The following MMS19 variants were observed in gnomAD, a reference collection of about 807,000 sequenced individuals.
MMS19 encodes the protein MMS19 cytosolic iron-sulfur assembly component.
In MMS19, 77 loss-of-function variants were observed where a neutral mutation model predicts 129.8. The observed-to-expected ratio is 0.59, with a 90% CI of 0.49 to 0.72. The LOEUF (loss-of-function observed/expected upper bound fraction) is 0.72. Among genes scored for constraint, MMS19 ranks in the 30% least tolerant of loss-of-function variants. MMS19 has a pLI of 0.00. For synonymous variants in MMS19, 491 were observed against 502.8 expected (o/e 0.98, Z 0.31); for missense variants, 1,168 against 1,266.3 (o/e 0.92, Z 1.18).
At chr10:97,461,352 G>T in intron 23 of MMS19, 144 bp downstream of exon 23, 1 of 988,528 alleles carries the variant, frequency 1.0e-6, no homozygotes, top group Non-Finnish European at 1.5e-6. Flanking sequence ...TTTTCCCACG[G>T]GCAGTCCCAG....
chr10:97,491,322 G>A (rs144137904), intron 1 of MMS19, among the ~76,000 whole-genome samples: 116 of 152,350 alleles, frequency 7.6e-4, no homozygotes, highest in African/African-American at 2.7e-3. Context: ...AAGACAAGAA[G>A]TGCCAAATAG....
chr10:97,477,495 T>C, intron 5 of MMS19, 79 bp from the exon 6 acceptor site: 1 of 1,587,742 alleles, frequency 6.3e-7, no homozygotes, highest in African/African-American at 1.3e-5. Context: ...TGCTTCATAA[T>C]CTCTAAGTGA....
Position 97,476,694 on chromosome 10 carries a change from C to T in MMS19, c.673G>A (p.Asp225Asn), listed in dbSNP as rs763296523. 7.4e-6 allele frequency: 12 copies of T among 1,613,646 alleles called. No homozygotes were observed. The highest frequency in any genetic ancestry group is 1.3e-5 in the African/African-American group (1 of 74,878). The change falls in exon 8 of 31, where the codon GAT becomes AAT. Residue 225 changes from aspartate to asparagine, a missense_variant. Physicochemically the swap from Asp to Asn is conservative, Grantham distance 23. Around this residue, in one of 3 missense-constraint regions of MMS19, gnomAD observed 329 missense variants for 328.6 expected, o/e 1.00. Transcript: ENST00000438925. ...AAGGTGCTACTTACAGGGGTAAAAT[C>T]GATAGGGAAATAACAGGATGTCACT... The part of the protein sequence containing the change: ...FEVTSCYFPI[D>N]FTPPPNDPHG...
intron 3 of MMS19, chr10:97,480,496 A>G: frequency 2.7e-6 from 1 of 364,768 alleles, no homozygotes; most frequent in East Asian, 7.4e-5. Context: ...ATTACTTTTC[A>G]TCTTTACCTA....
At chr10:97,460,574 A>G (rs2031513348) in intron 25 of MMS19, 121 bp downstream of exon 25, 1 of 896,458 alleles carries the variant, frequency 1.1e-6, no homozygotes, top group Non-Finnish European at 1.8e-6. Context: ...CCTGTCTCCA[A>G]AAAGAAAAAA....
chr10:97,487,467 C>T (rs2038117275), intron 1 of MMS19, among the ~76,000 whole-genome samples: 1 of 151,910 alleles, frequency 6.6e-6, no homozygotes, highest in African/African-American at 2.4e-5. Context: ...TACAGGCGCC[C>T]ACCACCACAC....
chr10:97,468,378 G>A lies in MMS19; in HGVS notation c.1092C>T (p.Asp364=). The change falls in exon 13 of 31, where the codon GAC becomes GAT. Residue 364 remains aspartate, a synonymous_variant. Transcript: ENST00000438925. ...QDCRHHLCEP[D]MKLVWPSAKL... Reference sequence around the variant, plus strand: ...TGGCACTAGGCCACACCAGTTTCATGTCCGGTTCACACAGGTGGTGCCTGC... The same window carrying A: ...TGGCACTAGGCCACACCAGTTTCATATCCGGTTCACACAGGTGGTGCCTGC... 6.2e-7 allele frequency: 1 copy of A among 1,611,546 alleles called. No individual in the cohort carries two copies. Among genetic ancestry groups the A allele is most frequent in the South Asian group, 1.1e-5 (1 of 90,778 alleles).
chr10:97,477,767 T>A (rs1366082060), intron 5 of MMS19, 88 bp downstream of exon 5: 3 of 899,056 alleles, frequency 3.3e-6, no homozygotes, highest in African/African-American at 3.4e-5. Context: ...AATTCAGAAC[T>A]TAGAAGGCAA....
At chr10:97,482,735 T>TACACACACACAC (rs1442208641) in intron 2 of MMS19, among the ~76,000 whole-genome samples, 4 of 137,802 alleles carry the variant, frequency 2.9e-5, no homozygotes, top group African/African-American at 1.1e-4. Context: ...TGTGTATATA[T>TACACACACACAC]ATACACACAC....
intron 22 of MMS19, 44 bp downstream of exon 22, chr10:97,461,784 T>C (rs1344833834): frequency 6.3e-7 from 1 of 1,581,258 alleles, no homozygotes; most frequent in Admixed American, 1.8e-5. Context: ...CGGAGTCACC[T>C]TGTCAAGGTT....
In MMS19 at chr10:97,468,888, C is replaced by T. The variant is rs913975108; in HGVS notation, c.1063+78G>A. 3.1e-5 allele frequency: 45 copies of T among 1,471,070 alleles called. No individual in the cohort carries two copies. In the Middle Eastern group the frequency reaches 9.1e-4, roughly 30 times the overall value. The allele number at this position is 1,471,070 out of a possible 1,614,324, so 91.1% of individuals were successfully genotyped here. On this transcript the variant is annotated intron_variant, in intron 12 of 30. Transcript: ENST00000438925. ...CCTCCTAAAGTGCAGGGATTACAGG[C>T]GTGAGCCACCGCACCCAGGCAAGGA...
chr10:97,482,442 T>C (rs2036966196), intron 2 of MMS19, among the ~76,000 whole-genome samples: 1 of 152,048 alleles, frequency 6.6e-6, no homozygotes, highest in Admixed American at 6.6e-5. Flanking sequence ...AAAGGTCACG[T>C]GTGTGATTCC....
Position 97,469,079 on chromosome 10 carries a change from AC to A in MMS19, c.949del (p.Val317TrpfsTer12). ...REVFQTASER[V>X]EAEGLAALHS... is the part of the protein sequence containing the mutation. Reference sequence around the variant, plus strand: ...GAGGGCCGCCAGGCCCTCTGCCTCCACCCGCTCACTTGCCGTCTGGAACACC... The same window carrying A: ...GAGGGCCGCCAGGCCCTCTGCCTCCACCGCTCACTTGCCGTCTGGAACACC... On this transcript the variant is annotated frameshift_variant, in exon 12 of 31. Coordinates refer to ENST00000438925, the MANE Select transcript of MMS19 (RefSeq NM_022362.5). LOFTEE classifies it high-confidence loss of function. 6.3e-7 allele frequency: 1 copy of A among 1,581,388 alleles called. No homozygotes were observed. The highest frequency in any genetic ancestry group is 1.7e-4 in the Middle Eastern group (1 of 6,026).
At position 97,466,830 on chromosome 10, in the gene MMS19, T is replaced by C. The variant is rs1441165280; in HGVS notation, c.1369A>G (p.Thr457Ala). ...CGGATGCCAACAAGCTGAAGCTGGG[T>C]GCTGGGGTCTGTTAGAGCCATGAAT... ...LVFMALTDPSTQLQLVGIRTL... is the reference protein window; with the variant it reads ...LVFMALTDPSAQLQLVGIRTL... The change falls in exon 15 of 31, where the codon ACC (threonine) becomes GCC (alanine). Residue 457 changes from threonine to alanine, a missense_variant. By Grantham distance (58) the Thr-to-Ala change is moderately conservative. This residue lies in a region of MMS19 where 831 missense variants were observed against 910.8 expected (regional missense o/e 0.91). Transcript: ENST00000438925. The C allele has an allele frequency of 6.2e-7, 1 of 1,613,840 alleles. No homozygotes were observed. The highest frequency in any genetic ancestry group is 1.3e-5 in the African/African-American group (1 of 74,900).
At position 97,469,676 on chromosome 10, in the gene MMS19, G is replaced by A; in HGVS notation, c.894C>T (p.Leu298=). 2 of 1,613,980 alleles carry A rather than the reference G, an allele frequency of 1.2e-6. No individual in the cohort carries two copies. Among genetic ancestry groups the A allele is most frequent in the Non-Finnish European group, 1.7e-6 (2 of 1,179,866 alleles). ...TGCGGATAGAAGCCCAAAGGCTGGG[G>A]AGGAAGTCCTTCAGTTCCTTCTGTC... ...VYGQKELKDF[L]PSLWASIRRE... The change falls in exon 11 of 31, where the codon CTC becomes CTT. Residue 298 remains leucine (L), a synonymous_variant. Transcript: ENST00000438925.
rs2133271188 is a variant in MMS19, at chr10:97,459,256, G to A, written c.2931C>T (p.Cys977=). ...TGGGCAGGCGAGTGAGAGCATGCAT[G>A]CACTGCAGTGCGGCGATCCGGACAG... is the stretch of plus-strand genomic sequence containing the variant. The part of the protein sequence containing the change: ...SMAVRIAALQ[C]MHALTRLPTP... The change falls in exon 29 of 31, where the codon TGC becomes TGT. Residue 977 remains cysteine, a synonymous_variant. Coordinates refer to ENST00000438925, the MANE Select transcript of MMS19 (RefSeq NM_022362.5). The A allele has an allele frequency of 1.2e-6, 2 of 1,613,214 alleles. No individual in the cohort carries two copies. The highest frequency in any genetic ancestry group is 4.5e-5 in the East Asian group (2 of 44,850).
In MMS19 at chr10:97,486,578, C is replaced by T. The variant is rs1020215466; in HGVS notation, c.113-2427G>A. The stretch of plus-strand genomic sequence containing the variant: ...AAAGACAAATACAGTATCCTATGAT[C>T]TCACTTATATGGAGAATCTAAAAAA... On this transcript the variant is annotated intron_variant, in intron 1 of 30. Transcript: ENST00000438925. Among the ~76,000 whole-genome samples the T allele has an allele frequency of 2.0e-5, 3 of 152,112 alleles. No individual in the cohort carries two copies. In the South Asian group the frequency reaches 6.2e-4, roughly 32 times the overall value.
At chr10:97,478,006 T>C in intron 4 of MMS19, 77 bp from the exon 5 acceptor site, 2 of 906,502 alleles carry the variant, frequency 2.2e-6, no homozygotes, top group South Asian at 1.7e-5. Context: ...ACGACAGGCC[T>C]AATTAGCTAC....
At chr10:97,462,431 CTTTTG>C (rs1028884221) in intron 20 of MMS19, among the ~76,000 whole-genome samples, 147 bp downstream of exon 20, 7 of 152,212 alleles carry the variant, frequency 4.6e-5, no homozygotes, top group Non-Finnish European at 8.8e-5. Flanking sequence ...GAGCCCCTTC[CTTTTG>C]TTTTGTCAAC....
Sources: gnomAD v4.1 joint callset for allele counts (sites outside exome capture counted in the v4.1 genomes callset) on GRCh38, gnomAD v4.1.1 for gene constraint, gnomAD v4.1.1 regional missense constraint, MANE v1.5 for transcripts, NCBI Gene and HGNC (gene_info 2026-07-23, HGNC 2026-07-21) for gene names.